Variants in SAXO1 observed in about 807,000 individuals in gnomAD.
SAXO1 encodes the protein stabilizer of axonemal microtubules 1.
In SAXO1, 21 loss-of-function variants were observed where a neutral mutation model predicts 17.5. That is an observed-to-expected ratio of 1.20 (90% CI 0.85 to 1.72). SAXO1 has a LOEUF of 1.72. SAXO1 is among the 40% of genes most tolerant of loss of function. SAXO1 has a pLI of 0.00. For synonymous variants in SAXO1, 274 were observed against 216.5 expected, an observed-to-expected ratio of 1.27 and a Z score of -2.33; for missense variants, 843 against 596.0, an observed-to-expected ratio of 1.41 and a Z score of -4.32.
chr9:18,944,656 A>G (rs1394583618), intron 2 of SAXO1, among the ~76,000 whole-genome samples: 1 of 152,216 alleles, frequency 6.6e-6, no homozygotes, highest in Non-Finnish European at 1.5e-5. Context: ...ACTCAGAGTT[A>G]AGTAAAAAGT....
At chr9:18,957,605 C>A (rs1474425251) in intron 1 of SAXO1, among the ~76,000 whole-genome samples, 1 of 152,196 alleles carries the variant, frequency 6.6e-6, no homozygotes, top group East Asian at 1.9e-4. Flanking sequence ...ATAATGCATT[C>A]CCCATCTAGG....
At chr9:18,939,064 T>C (rs957471619) in intron 3 of SAXO1, among the ~76,000 whole-genome samples, 3 of 151,982 alleles carry the variant, frequency 2.0e-5, no homozygotes, top group Non-Finnish European at 2.9e-5. Flanking sequence ...TCTCTCCCTA[T>C]ACTAAGATTC....
At chr9:19,003,690 T>C (rs1588513349) in intron 1 of SAXO1, among the ~76,000 whole-genome samples, 1 of 152,160 alleles carries the variant, frequency 6.6e-6, no homozygotes, top group Non-Finnish European at 1.5e-5. Flanking sequence ...TGGCTAGCCA[T>C]ATGTAGAAAG....
Position 18,928,788 on chromosome 9 carries a change from C to A in SAXO1, c.689G>T (p.Cys230Phe), listed in dbSNP as rs746915812. 2.5e-6 allele frequency: 4 copies of A among 1,614,186 alleles called. No homozygotes were observed. Among genetic ancestry groups the A allele is most frequent in the South Asian group, 2.2e-5 (2 of 91,076 alleles). Reference protein sequence around the residue: ...FVHEAEKFRPCEIPFESLTTQ... With the variant: ...FVHEAEKFRPFEIPFESLTTQ... ...GGTAAGGCTTTCAAAGGGGATTTCA[C>A]AGGGCCTGAACTTCTCTGCTTCATG... The change falls in exon 4 of 4, where the codon TGT becomes TTT. Residue 230 changes from cysteine to phenylalanine, a missense_variant. Coordinates refer to ENST00000380534, the MANE Select transcript of SAXO1 (RefSeq NM_153707.4).
At chr9:18,966,208 T>C (rs1420611577) in intron 1 of SAXO1, among the ~76,000 whole-genome samples, 1 of 152,180 alleles carries the variant, frequency 6.6e-6, no homozygotes, top group Non-Finnish European at 1.5e-5. Context: ...AATCTGATGA[T>C]TATGTGTCTT....
At chr9:18,990,266 C>A (rs1172126629) in intron 1 of SAXO1, among the ~76,000 whole-genome samples, 1 of 151,842 alleles carries the variant, frequency 6.6e-6, no homozygotes, top group Admixed American at 6.6e-5. Context: ...TCAAGATATT[C>A]AAAGGGTATA....
chr9:18,978,694 T>C (rs1315955785), intron 1 of SAXO1, among the ~76,000 whole-genome samples: 2 of 152,210 alleles, frequency 1.3e-5, no homozygotes, highest in African/African-American at 2.4e-5. Context: ...CCAGGCACTG[T>C]TCTAGATGCA....
chr9:19,007,303 T>C (rs894606356), intron 1 of SAXO1, among the ~76,000 whole-genome samples: 3 of 150,464 alleles, frequency 2.0e-5, no homozygotes, highest in Admixed American at 2.0e-4. Flanking sequence ...GCTGAGATCG[T>C]GCCACTGCAC....
chr9:19,001,563 A>G (rs915716244), intron 1 of SAXO1, among the ~76,000 whole-genome samples: 1 of 151,632 alleles, frequency 6.6e-6, no homozygotes, highest in East Asian at 1.9e-4. Flanking sequence ...GCTACTCGGG[A>G]GGCTGAGGCA....
intron 1 of SAXO1, among the ~76,000 whole-genome samples, chr9:19,021,819 CACCAATCAGCACTCTGTAAAATGG>C (rs939217625): frequency 2.0e-5 from 3 of 149,314 alleles, no homozygotes; most frequent in African/African-American, 7.3e-5. Context: ...ATTGTAAACG[CACCAATCAGCACTCTGTAAAATGG>C]ACCAATCAGC....
chr9:19,036,840 C>T (rs554091678), upstream of SAXO1, among the ~76,000 whole-genome samples: 6 of 152,272 alleles, frequency 3.9e-5, no homozygotes, highest in Admixed American at 2.6e-4. Flanking sequence ...CCTCCAGACC[C>T]CAAAATGGGA....
intron 1 of SAXO1, among the ~76,000 whole-genome samples, chr9:18,956,798 C>G (rs554591338): frequency 5.9e-5 from 9 of 152,196 alleles, no homozygotes; most frequent in Non-Finnish European, 8.8e-5. Context: ...GCAATTACTA[C>G]GCACAACACG....
Position 18,928,368 on chromosome 9 carries a change from C to T in SAXO1, c.1109G>A (p.Cys370Tyr). ...ATAGTGGGCCCGAGTGGTGGTCAGG[C>T]AGTCCAGGGGCTCGGTGGGCAAGTC... ...QLDLPTEPLD[C>Y]LTTTRAHYVP... The change falls in exon 4 of 4, where the codon TGC becomes TAC. Residue 370 changes from cysteine to tyrosine, a missense_variant. Cys to Tyr is a radical substitution (Grantham distance 194). Coordinates refer to ENST00000380534, the MANE Select transcript of SAXO1 (RefSeq NM_153707.4). 6.2e-7 allele frequency: 1 copy of T among 1,613,000 alleles called. No homozygotes were observed. The highest frequency in any genetic ancestry group is 1.3e-5 in the African/African-American group (1 of 74,960).
chr9:18,946,020 T>C (rs999608652), intron 2 of SAXO1, among the ~76,000 whole-genome samples: 1 of 152,096 alleles, frequency 6.6e-6, no homozygotes, highest in Non-Finnish European at 1.5e-5. Context: ...CCCATGCTTG[T>C]AATCCCAGCA....
intron 1 of SAXO1, among the ~76,000 whole-genome samples, chr9:19,047,689 G>A (rs10963930): frequency 6.6e-6 from 1 of 152,108 alleles, no homozygotes; most frequent in African/African-American, 2.4e-5. Flanking sequence ...TGGAGCAACA[G>A]AGCAATGCCT....
intron 1 of SAXO1, among the ~76,000 whole-genome samples, chr9:19,015,634 C>A (rs185074885): frequency 2.1e-5 from 3 of 143,108 alleles, no homozygotes; most frequent in Non-Finnish European, 4.6e-5. Context: ...TGAGCCATCA[C>A]GCCTGGCCCT....
intron 1 of SAXO1, among the ~76,000 whole-genome samples, chr9:18,971,767 A>G (rs1353841655): frequency 6.6e-6 from 1 of 152,194 alleles, no homozygotes; most frequent in Non-Finnish European, 1.5e-5. Flanking sequence ...TGTTTAGCCC[A>G]AAGGGAAACT....
At chr9:18,968,770 T>G (rs946403745) in intron 1 of SAXO1, among the ~76,000 whole-genome samples, 3 of 152,084 alleles carry the variant, frequency 2.0e-5, no homozygotes, top group African/African-American at 7.2e-5. Flanking sequence ...ATTTTTGTAT[T>G]TTTAGTAGAG....
chr9:19,006,822 T>TG (rs1834499562), intron 1 of SAXO1, among the ~76,000 whole-genome samples: 1 of 150,526 alleles, frequency 6.6e-6, no homozygotes, highest in African/African-American at 2.4e-5. Flanking sequence ...GAGGCAGGAG[T>TG]ATCACTTGAG....
Sources: allele counts gnomAD v4.1 joint callset (sites outside exome capture counted in the v4.1 genomes callset), GRCh38; gene constraint gnomAD v4.1.1; transcripts MANE v1.5; gene names NCBI Gene and HGNC (gene_info 2026-07-23, HGNC 2026-07-21).